CDYL: variants seen among roughly 807,000 people sequenced by gnomAD.
CDYL encodes chromodomain Y-like protein.
Under a neutral mutation model 47.3 loss-of-function variants are expected in CDYL, and 8 were observed. That is an observed-to-expected ratio of 0.17 (90% confidence interval 0.10 to 0.31). CDYL has a LOEUF of 0.31. CDYL is among the 10% of genes least tolerant of loss of function. The probability of loss-of-function intolerance (pLI) is 1.00; values close to 1 mark genes in which losing one functional copy is unlikely to be tolerated. For synonymous variants in CDYL, 266 were observed against 265.0 expected, an observed-to-expected ratio of 1.00 and a Z score of -0.04; for missense variants, 471 against 701.4, an observed-to-expected ratio of 0.67 and a Z score of 3.71.
chr6:4,870,534 A>C (rs1299171889), intron 1 of CDYL, among the ~76,000 whole-genome samples: 1 of 152,194 alleles, frequency 6.6e-6, no homozygotes, highest in Non-Finnish European at 1.5e-5. Context: ...GGATCTATAC[A>C]TAATTGCATT....
chr6:4,843,907 G>A lies in CDYL; in HGVS notation c.25-47806G>A, dbSNP rs548903686. ...TGGTGTTGTTAAAGAACCTTGTTTT[G>A]TTGTATGACCCAGAATTGCTTTTCT... On this transcript the variant is annotated intron_variant, in intron 1 of 6. Coordinates refer to ENST00000397588, the MANE Select transcript of CDYL (RefSeq NM_004824.4). Among the ~76,000 whole-genome samples, 5 of 152,260 alleles carry A rather than the reference G, an allele frequency of 3.3e-5. 1 individual carries two copies. The South Asian group carries it at 1.0e-3, about 32-fold the overall frequency.
intron 3 of CDYL, 52 bp from the exon 4 acceptor site, chr6:4,937,511 TAA>T: frequency 2.8e-6 from 4 of 1,442,668 alleles, no homozygotes; most frequent in East Asian, 2.6e-5. Flanking sequence ...AAAAATGCTT[TAA>T]GATTTTAAAC....
At chr6:4,900,798 T>TCTATATAG (rs1561697553) in intron 2 of CDYL, among the ~76,000 whole-genome samples, 7 of 80,516 alleles carry the variant, frequency 8.7e-5, no homozygotes, top group African/African-American at 3.7e-4. Flanking sequence ...TATATATATA[T>TCTATATAG]ATATATATAT....
intron 1 of CDYL, among the ~76,000 whole-genome samples, chr6:4,793,133 G>A (rs1758973936): frequency 6.6e-6 from 1 of 150,934 alleles, no homozygotes; most frequent in Non-Finnish European, 1.5e-5. Flanking sequence ...CTCTCCTCAT[G>A]GTGGTGTGCT....
intron 2 of CDYL, among the ~76,000 whole-genome samples, chr6:4,919,225 G>A (rs1275862665): frequency 6.6e-6 from 1 of 152,038 alleles, no homozygotes; most frequent in Non-Finnish European, 1.5e-5. Context: ...ATGAGGCCTG[G>A]ATCCTACACT....
intron 2 of CDYL, among the ~76,000 whole-genome samples, chr6:4,718,750 A>G (rs1757315774): frequency 6.6e-6 from 1 of 152,162 alleles, no homozygotes; most frequent in African/African-American, 2.4e-5. Context: ...AAAAAACAAA[A>G]CTTGGATGTT....
intron 2 of CDYL, among the ~76,000 whole-genome samples, chr6:4,723,752 A>C (rs1757421504): frequency 6.6e-6 from 1 of 152,108 alleles, no homozygotes; most frequent in Non-Finnish European, 1.5e-5. Context: ...CACAAACAAC[A>C]CATAAGCCTG....
intron 5 of CDYL, among the ~76,000 whole-genome samples, chr6:4,947,747 C>T (rs1398224029): frequency 2.6e-5 from 4 of 152,288 alleles, no homozygotes; most frequent in Middle Eastern, 6.8e-3. Flanking sequence ...TAGGTGCCAG[C>T]GTCCATGGAA....
chr6:4,837,735 T>C (rs1477853510), intron 1 of CDYL, among the ~76,000 whole-genome samples: 1 of 151,624 alleles, frequency 6.6e-6, no homozygotes, highest in Admixed American at 6.6e-5. Flanking sequence ...AGTGCTGGGC[T>C]TACAGGCACA....
chr6:4,872,980 T>A (rs1761517439), intron 1 of CDYL, among the ~76,000 whole-genome samples: 1 of 152,258 alleles, frequency 6.6e-6, no homozygotes, highest in African/African-American at 2.4e-5. Flanking sequence ...TGCTTTGTTA[T>A]CTTTTGAGGT....
chr6:4,853,712 C>G (rs1760919099), intron 1 of CDYL, among the ~76,000 whole-genome samples: 1 of 152,226 alleles, frequency 6.6e-6, no homozygotes, highest in South Asian at 2.1e-4. Context: ...CAAAACAAAA[C>G]ACCAGGCAGC....
rs139409141 is a variant in CDYL, at chr6:4,720,524, C to T, written c.103+4643C>T. The stretch of plus-strand genomic sequence containing the variant: ...TATTAACAACCATTTCCATGAATAA[C>T]ATTTACTTCATCCATAGAAAATGTA... On this transcript the variant is annotated intron_variant, in intron 2 of 8. Transcript: ENST00000328908. 6.6e-5 allele frequency among the ~76,000 whole-genome samples: 10 copies of T among 152,234 alleles called. No homozygotes were observed. The East Asian group carries it at 1.3e-3, about 21-fold the overall frequency.
At chr6:4,809,637 A>C (rs557154287) in intron 1 of CDYL, among the ~76,000 whole-genome samples, 4 of 148,638 alleles carry the variant, frequency 2.7e-5, no homozygotes, top group African/African-American at 1.0e-4. Flanking sequence ...CCTTGGTGAT[A>C]TTTTGTATGG....
chr6:4,709,804 T>C (rs1207283344), intron 1 of CDYL, among the ~76,000 whole-genome samples: 6 of 152,240 alleles, frequency 3.9e-5, no homozygotes, highest in African/African-American at 1.4e-4. Context: ...TGATTTTCCT[T>C]AGCTTGATTC....
chr6:4,888,735 AGT>A (rs1761963357), intron 1 of CDYL, among the ~76,000 whole-genome samples: 1 of 152,042 alleles, frequency 6.6e-6, no homozygotes, highest in East Asian at 1.9e-4. Context: ...TCTTCTTTTT[AGT>A]GTAGGTGTTC....
chr6:4,872,117 A>T (rs575383356), intron 1 of CDYL, among the ~76,000 whole-genome samples: 13 of 151,916 alleles, frequency 8.6e-5, no homozygotes, highest in Admixed American at 5.9e-4. Flanking sequence ...GCTGCATTTC[A>T]CTCTGGAGTG....
At chr6:4,828,854 A>T (rs1345509096) in intron 1 of CDYL, among the ~76,000 whole-genome samples, 2 of 151,588 alleles carry the variant, frequency 1.3e-5, no homozygotes, top group African/African-American at 4.9e-5. Context: ...TGCTATCTTC[A>T]AGTTCGTTGA....
chr6:4,834,260 A>G (rs1225491940), intron 1 of CDYL, among the ~76,000 whole-genome samples: 25 of 151,626 alleles, frequency 1.6e-4, no homozygotes, highest in East Asian at 3.9e-4. Flanking sequence ...CTCTTTTAGG[A>G]CAGGCCTGGT....
In CDYL at chr6:4,727,335, T is replaced by A. The variant is rs571561119; in HGVS notation, c.104-7427T>A. Among the ~76,000 whole-genome samples, 5 of 152,280 alleles carry A rather than the reference T, an allele frequency of 3.3e-5. No homozygotes were observed. The South Asian group carries it at 1.0e-3, about 32-fold the overall frequency. The stretch of plus-strand genomic sequence containing the variant: ...GGAAGAAGGGTAGGAAGCTCATGGA[T>A]GTATGCAGAGGAACTTAAGAACTCC... On this transcript the variant is annotated intron_variant, in intron 2 of 8. Transcript: ENST00000328908.
Sources: allele counts gnomAD v4.1 joint callset (sites outside exome capture counted in the v4.1 genomes callset), GRCh38; gene constraint gnomAD v4.1.1; transcripts MANE v1.5; gene names NCBI Gene and HGNC (gene_info 2026-07-23, HGNC 2026-07-21).